DNAH1: variants seen among roughly 807,000 people sequenced by gnomAD.
DNAH1 encodes the protein axonemal beta dynein heavy chain 1.
In DNAH1, 327 loss-of-function variants were observed where a neutral mutation model predicts 484.3. That is an observed-to-expected ratio of 0.68 (90% CI 0.62 to 0.74). The LOEUF is 0.74. Among genes scored for constraint, DNAH1 ranks in the 30% least tolerant of loss-of-function variants. The pLI, the probability that DNAH1 is intolerant of heterozygous loss-of-function variation, is 0.00. For synonymous variants in DNAH1, 2,192 were observed against 2,191.9 expected, an observed-to-expected ratio of 1.00 and a Z score of 0.00; for missense variants, 5,052 against 5,546.8, an observed-to-expected ratio of 0.91 and a Z score of 2.83.
chr3:52,386,551 T>C (rs1025071618), intron 55 of DNAH1, 111 bp from the exon 56 acceptor site: 3 of 1,313,924 alleles, frequency 2.3e-6, no homozygotes, highest in Admixed American at 2.8e-5. Context: ...GATATGCCCG[T>C]GTCCTGTGGT....
intron 1 of DNAH1, among the ~76,000 whole-genome samples, chr3:52,317,326 A>G (rs908027513): frequency 2.0e-5 from 3 of 152,060 alleles, no homozygotes; most frequent in African/African-American, 7.2e-5. Flanking sequence ...TGGGCGCCCG[A>G]GCCGAGGGGT....
In DNAH1 at chr3:52,379,074, G is replaced by A. The variant is rs911828470; in HGVS notation, c.7377+294G>A. On this transcript the variant is annotated intron_variant, in intron 47 of 77. Transcript: ENST00000420323. The surrounding 1 kb of genome is among the most constrained non-coding windows in gnomAD (Gnocchi z 4.4). ...CATGTGAGAACGCTTGAGGGACAGT[G>A]AGCAGGGTGCCCTCTGGGAACCAAA... 6.6e-6 allele frequency among the ~76,000 whole-genome samples: 1 copy of A among 152,226 alleles called. No homozygotes were observed. The highest frequency in any genetic ancestry group is 2.4e-5 in the African/African-American group (1 of 41,448).
At chr3:52,377,825 C>T (rs979564367) in intron 46 of DNAH1, among the ~76,000 whole-genome samples, 6 of 152,146 alleles carry the variant, frequency 3.9e-5, no homozygotes, top group South Asian at 2.1e-4. Flanking sequence ...TGGCCCTCCC[C>T]GGACCCCTCT....
intron 43 of DNAH1, 119 bp from the exon 44 acceptor site, chr3:52,372,777 T>C: frequency 7.3e-7 from 1 of 1,363,250 alleles, no homozygotes. Context: ...TCTAGCAATT[T>C]GGAGGAGGCT....
rs1339663897 is a variant in DNAH1 at position 52,355,621 on chromosome 3, G to A, written c.3693+566G>A. Among the ~76,000 whole-genome samples the A allele has an allele frequency of 6.6e-6, 1 of 152,220 alleles. No individual in the cohort carries two copies. Among genetic ancestry groups the A allele is most frequent in the Non-Finnish European group, 1.5e-5 (1 of 68,026 alleles). On this transcript the variant is annotated intron_variant, in intron 21 of 77. Transcript: ENST00000420323. This position sits in a 1 kb window ranked among gnomAD's most constrained non-coding sequence, Gnocchi z 4.5. ...TGCAGGTGTGATATCCCCTTCCCCGGGCCTCCCTGATAGCTGCTCAGAGAC... is the reference window on the plus strand; with the variant it reads ...TGCAGGTGTGATATCCCCTTCCCCGAGCCTCCCTGATAGCTGCTCAGAGAC...
At chr3:52,396,827 G>A (rs1375904025) in intron 72 of DNAH1, 30 bp downstream of exon 72, 5 of 1,612,346 alleles carry the variant, frequency 3.1e-6, no homozygotes, top group African/African-American at 1.3e-5. Context: ...GGGCCTGGGG[G>A]ACTGGGCACT....
chr3:52,342,469 T>C (rs1351328458), intron 8 of DNAH1, among the ~76,000 whole-genome samples: 1 of 152,190 alleles, frequency 6.6e-6, no homozygotes, highest in Non-Finnish European at 1.5e-5. Flanking sequence ...TGAACCAGAA[T>C]AGTAGCTGAG....
At position 52,357,647 on chromosome 3, in the gene DNAH1, G is replaced by C. The variant is rs1702668369; in HGVS notation, c.3892G>C (p.Asp1298His). The change falls in exon 23 of 78, where the codon GAC becomes CAC. Residue 1298 changes from aspartate (D) to histidine (H), a missense_variant. Asp to His is a moderately conservative substitution (Grantham distance 81). Coordinates refer to ENST00000420323, the MANE Select transcript of DNAH1 (RefSeq NM_015512.5). Reference protein sequence around the residue: ...INVCSDLRMLDSLRDCNKILD... With the variant: ...INVCSDLRMLHSLRDCNKILD... ...TGTGTGTTCCGACCTGAGAATGCTG[G>C]ACAGCCTGCGGGACTGCAACAAGAT... The C allele has an allele frequency of 3.1e-6, 5 of 1,599,676 alleles. No individual in the cohort carries two copies. In the South Asian group the frequency reaches 5.6e-5, roughly 18 times the overall value.
At chr3:52,389,745 CAGG>C (rs1704287995) in intron 60 of DNAH1, among the ~76,000 whole-genome samples, 159 bp downstream of exon 60, 1 of 152,202 alleles carries the variant, frequency 6.6e-6, no homozygotes, top group Non-Finnish European at 1.5e-5. Flanking sequence ...GGTAGGAGGA[CAGG>C]AGGAGAAAGC....
In DNAH1 at chr3:52,349,324, C is replaced by T. The variant is rs35982798; in HGVS notation, c.2430C>T (p.Thr810=). The part of the protein sequence containing the change: ...SIIIGPFYIN[T]DNVKQSLSKK... The stretch of plus-strand genomic sequence containing the variant: ...TCATTGGGCCTTTCTACATCAACAC[C>T]GACAATGTCAAGCAGAGCCTGTCCA... The change falls in exon 14 of 78, where the codon ACC becomes ACT. Residue 810 remains threonine (T), a synonymous_variant. Transcript: ENST00000420323. 0.042 allele frequency: 68,296 copies of T among 1,613,948 alleles called. 1,663 individuals carry two copies. Among genetic ancestry groups the T allele is most frequent in the Non-Finnish European group, 0.048 (56,280 of 1,179,874 alleles).
chr3:52,363,520 C>T (rs141885627), intron 32 of DNAH1, among the ~76,000 whole-genome samples: 7 of 152,330 alleles, frequency 4.6e-5, no homozygotes, highest in African/African-American at 1.7e-4. Flanking sequence ...CAGCCAGGCC[C>T]TCCGAGCCTC....
chr3:52,382,487 G>A (rs1204451859), intron 50 of DNAH1, 32 bp downstream of exon 50: 4 of 1,610,992 alleles, frequency 2.5e-6, no homozygotes, highest in Non-Finnish European at 3.4e-6. Flanking sequence ...GCAGGGCTCG[G>A]GGGGGCTGGA....
chr3:52,341,539 T>C (rs1701940691), intron 8 of DNAH1, among the ~76,000 whole-genome samples: 1 of 149,674 alleles, frequency 6.7e-6, no homozygotes, highest in African/African-American at 2.5e-5. Context: ...ACTTTTTTTT[T>C]TTTTTTTTTT....
At position 52,323,814 on chromosome 3, in the gene DNAH1, T is replaced by C. The variant is rs766507745; in HGVS notation, c.340T>C (p.Cys114Arg). Residue 114 changes from cysteine (C) to arginine (R), a missense_variant, in exon 3 of 78, where the codon TGT becomes CGT. Cys to Arg is a radical substitution (Grantham distance 180). This residue lies in a region of DNAH1 where 1,263 missense variants were observed against 1,218.8 expected (regional missense o/e 1.04). Transcript: ENST00000420323. ...CTCCATGGTTTGGTTTCAGGAGGTA[T>C]GTCGTGGCCCCCGAATGAGCCAGAA... ...PGTLDQLGEVCRGPRMSQNLL... is the reference protein window; with the variant it reads ...PGTLDQLGEVRRGPRMSQNLL... 2 of 1,590,740 alleles carry C rather than the reference T, an allele frequency of 1.3e-6. No homozygotes were observed. The highest frequency in any genetic ancestry group is 1.8e-5 in the Admixed American group (1 of 56,668).
At chr3:52,380,686 G>T in intron 48 of DNAH1, among the ~76,000 whole-genome samples, 1 of 152,160 alleles carries the variant, frequency 6.6e-6, no homozygotes, top group East Asian at 1.9e-4. Flanking sequence ...AAGGCCCAGC[G>T]TCCCCACCAT....
rs1272854202 is a variant in DNAH1 at position 52,361,070 on chromosome 3, C to CG, written c.4686-90dup. ...CACACCCCAGCCCACCAAAAGGGGA[C>CG]GGGGCGAGAGGCCCCAGTCCACAGG... On this transcript the variant is annotated intron_variant, in intron 28 of 77. Transcript: ENST00000420323. The surrounding 1 kb of genome is among the most constrained non-coding windows in gnomAD (Gnocchi z 5.6). The CG allele has an allele frequency of 8.2e-6, 10 of 1,224,110 alleles. No homozygotes were observed. The highest frequency in any genetic ancestry group is 3.8e-5 in the Admixed American group (1 of 26,320). 75.8% of individuals were successfully genotyped at this position (1,224,110 alleles called of 1,614,324 possible).
At position 52,388,208 on chromosome 3, in the gene DNAH1, C is replaced by T; in HGVS notation, c.9045C>T (p.Tyr3015=). ...TGGTGATCAAAGCCATCCAGCCGTA[C>T]ATCGATAATGAAGAGTTCCAGCCAG... ...GDVVIKAIQP[Y]IDNEEFQPAT... Residue 3015 remains tyrosine, a synonymous_variant, in exon 57 of 78, where the codon TAC becomes TAT. Coordinates refer to ENST00000420323, the MANE Select transcript of DNAH1 (RefSeq NM_015512.5). 2 of 1,609,652 alleles carry T rather than the reference C, an allele frequency of 1.2e-6. No homozygotes were observed. Among genetic ancestry groups the T allele is most frequent in the Non-Finnish European group, 1.7e-6 (2 of 1,178,126 alleles).
chr3:52,389,067 T>C, intron 59 of DNAH1, 130 bp downstream of exon 59: 1 of 1,174,760 alleles, frequency 8.5e-7, no homozygotes, highest in Non-Finnish European at 1.2e-6. Flanking sequence ...CAACAAGCAC[T>C]TAGCAGGCTC....
rs1438738265 is a variant in DNAH1, at chr3:52,396,557, A to C, written c.11430+19A>C. 1 of 1,611,998 alleles carries C rather than the reference A, an allele frequency of 6.2e-7. No homozygotes were observed. ...CCACAAGGTGAGGCACACTTGGTGC[A>C]GGCCTACCCTACCTGCCCCCGTCCC... is the stretch of plus-strand genomic sequence containing the variant. On this transcript the variant is annotated intron_variant, in intron 71 of 77. Coordinates refer to ENST00000420323, the MANE Select transcript of DNAH1 (RefSeq NM_015512.5).
Sources: allele counts gnomAD v4.1 joint callset (sites outside exome capture counted in the v4.1 genomes callset), GRCh38; gene constraint gnomAD v4.1.1; regional missense constraint gnomAD v4.1.1; non-coding constraint Gnocchi (gnomAD v3.1); transcripts MANE v1.5; gene names NCBI Gene and HGNC (gene_info 2026-07-23, HGNC 2026-07-21).